ITPRID2: variants seen among roughly 807,000 people sequenced by gnomAD.
The protein encoded by ITPRID2 is protein ITPRID2.
ITPRID2 carries 60 observed loss-of-function variants against 124.3 expected under a neutral mutation model. The observed-to-expected ratio is 0.48, with a 90% CI of 0.39 to 0.60. The LOEUF (loss-of-function observed/expected upper bound fraction) is 0.60. Ranked by LOEUF, ITPRID2 falls within the 20% of genes least tolerant of loss-of-function variation. ITPRID2 has a pLI of 0.00. For synonymous variants in ITPRID2, 521 were observed against 542.9 expected (o/e 0.96, Z 0.56); for missense variants, 1,553 against 1,512.2 (o/e 1.03, Z -0.45).
Position 181,909,922 on chromosome 2 carries a change from T to C in ITPRID2, c.1437T>C (p.Ala479=), listed in dbSNP as rs986947252. The change falls in exon 9 of 18, where the codon GCT becomes GCC. Residue 479 remains alanine, a synonymous_variant. Coordinates refer to ENST00000431877, the MANE Select transcript of ITPRID2 (RefSeq NM_001130445.3). ...MEEVQSTEGE[A]PHVPATYQLG... Reference sequence around the variant, plus strand: ...AGGTTCAAAGTACGGAGGGAGAAGCTCCTCATGTTCCAGCCACTTACCAGC... The same window carrying C: ...AGGTTCAAAGTACGGAGGGAGAAGCCCCTCATGTTCCAGCCACTTACCAGC... The C allele has an allele frequency of 6.2e-7, 1 of 1,613,348 alleles. No individual in the cohort carries two copies. Among genetic ancestry groups the C allele is most frequent in the Non-Finnish European group, 8.5e-7 (1 of 1,179,436 alleles).
intron 8 of ITPRID2, among the ~76,000 whole-genome samples, chr2:181,909,114 A>G (rs1693395392): frequency 6.6e-6 from 1 of 152,204 alleles, no homozygotes; most frequent in Non-Finnish European, 1.5e-5. Context: ...AAAAATAAAC[A>G]CAAAAAGACA....
rs777487426 is a variant in ITPRID2, at chr2:181,902,504, G to A, written c.1413+38G>A. ...TTACTGAGACTGGTTTCAAGTTGCA[G>A]ACTAGGAAAAAAAGTACCAAAAATG... is the stretch of plus-strand genomic sequence containing the variant. On this transcript the variant is annotated intron_variant, in intron 8 of 17. Coordinates refer to ENST00000431877, the MANE Select transcript of ITPRID2 (RefSeq NM_001130445.3). This position sits in a 1 kb window ranked among gnomAD's most constrained non-coding sequence, Gnocchi z 4.4. 1.4e-6 allele frequency: 2 copies of A among 1,421,684 alleles called. No individual in the cohort carries two copies. The highest frequency in any genetic ancestry group is 1.9e-6 in the Non-Finnish European group (2 of 1,064,898). 88.1% of individuals were successfully genotyped at this position (1,421,684 alleles called of 1,614,324 possible).
rs1359795334 is a variant in ITPRID2, at chr2:181,922,101, C to G, written c.3364C>G (p.His1122Asp). 1.2e-6 allele frequency: 2 copies of G among 1,614,222 alleles called. No individual in the cohort carries two copies. The highest frequency in any genetic ancestry group is 3.3e-5 in the Admixed American group (2 of 60,022). The change falls in exon 16 of 18, where the codon CAT (histidine) becomes GAT (aspartate). Residue 1122 changes from histidine (H) to aspartate (D), a missense_variant. His to Asp is a moderately conservative substitution (Grantham distance 81, BLOSUM62 -1). Transcript: ENST00000431877. The stretch of plus-strand genomic sequence containing the variant: ...ATCTTCTGTATGTTCTGGTCCCTCT[C>G]ATGCTAACAGAAGAACTGGAGTACC... ...ESSSVCSGPSHANRRTGVPST... is the reference protein window; with the variant it reads ...ESSSVCSGPSDANRRTGVPST...
chr2:181,924,480 C>G (rs1247817381), intron 16 of ITPRID2, among the ~76,000 whole-genome samples: 1 of 152,182 alleles, frequency 6.6e-6, no homozygotes, highest in Non-Finnish European at 1.5e-5. Context: ...CCTAGCAGAT[C>G]TGAGCCCCTA....
Position 181,905,602 on chromosome 2 carries a change from A to G in ITPRID2, c.1413+3136A>G, listed in dbSNP as rs1693049845. On this transcript the variant is annotated intron_variant, in intron 8 of 17. Transcript: ENST00000431877. The surrounding 1 kb of genome is among the most constrained non-coding windows in gnomAD (Gnocchi z 4.1). ...GAACTTTTATCTCAGCATTTCTGTA[A>G]GAAGTTGACTGTGTGGTCTTCTTGA... Among the ~76,000 whole-genome samples the G allele has an allele frequency of 1.3e-5, 2 of 152,332 alleles. No individual in the cohort carries two copies. The highest frequency in any genetic ancestry group is 1.3e-4 in the Admixed American group (2 of 15,300).
intron 6 of ITPRID2, among the ~76,000 whole-genome samples, chr2:181,900,461 G>GCTAA (rs1303988092): frequency 2.0e-5 from 3 of 152,128 alleles, no homozygotes; most frequent in Admixed American, 1.3e-4. Flanking sequence ...GTTCGTTGGG[G>GCTAA]TTAGCTCTTT....
At chr2:181,913,149 C>T (rs941852653) in intron 9 of ITPRID2, among the ~76,000 whole-genome samples, 1 of 152,016 alleles carries the variant, frequency 6.6e-6, no homozygotes, top group Non-Finnish European at 1.5e-5. Context: ...CTCACTGCAA[C>T]CTCCACCTCC....
Position 181,908,364 on chromosome 2 carries a change from A to G in ITPRID2, c.1414-1535A>G, listed in dbSNP as rs547450739. On this transcript the variant is annotated intron_variant, in intron 8 of 17. Transcript: ENST00000431877. ...AATGCAGAGGCATTGGAATTCTGCT[A>G]TAATTTTTTGATCTGGTTGATATTT... Among the ~76,000 whole-genome samples the G allele has an allele frequency of 8.5e-5, 13 of 152,354 alleles. No individual in the cohort carries two copies. In the East Asian group the frequency reaches 2.1e-3, roughly 25 times the overall value.
rs756191708 is a variant in ITPRID2, at chr2:181,902,128, G to C, written c.1075G>C (p.Val359Leu). The C allele has an allele frequency of 1.2e-6, 2 of 1,613,392 alleles. No homozygotes were observed. Among genetic ancestry groups the C allele is most frequent in the Non-Finnish European group, 1.7e-6 (2 of 1,179,686 alleles). ...KKESSSMLAT[V>L]KEEVSGSSAA... ...AGAGTCATCTTCTATGTTGGCTACA[G>C]TTAAAGAAGAAGTCTCTGGTAGTTC... The change falls in exon 8 of 18, where the codon GTT (valine) becomes CTT (leucine). Residue 359 changes from valine to leucine, a missense_variant. Physicochemically the swap from Val to Leu is conservative, Grantham distance 32 (BLOSUM62 1). Coordinates refer to ENST00000431877, the MANE Select transcript of ITPRID2 (RefSeq NM_001130445.3). The surrounding 1 kb of genome is among the most constrained non-coding windows in gnomAD (Gnocchi z 4.4).
chr2:181,902,402 C>T lies in ITPRID2; in HGVS notation c.1349C>T (p.Pro450Leu), dbSNP rs377175701. 3.1e-6 allele frequency: 5 copies of T among 1,612,372 alleles called. No individual in the cohort carries two copies. The highest frequency in any genetic ancestry group is 3.4e-6 in the Non-Finnish European group (4 of 1,179,534). ...ACACCTGAAAAAGAGCCTTGTGCAC[C>T]ACTGACAATACCATCCATAAGAAAT... ...ISTPEKEPCA[P>L]LTIPSIRNIM... is the part of the protein sequence containing the mutation. Residue 450 changes from proline (P) to leucine (L), a missense_variant, in exon 8 of 18, where the codon CCA becomes CTA. Transcript: ENST00000431877. This position sits in a 1 kb window ranked among gnomAD's most constrained non-coding sequence, Gnocchi z 4.4.
At chr2:181,900,608 C>A in intron 6 of ITPRID2, 88 bp from the exon 7 acceptor site, 1 of 894,022 alleles carries the variant, frequency 1.1e-6, no homozygotes, top group Non-Finnish European at 1.7e-6. Context: ...CACAGGAAAT[C>A]AGTAATATGT....
At chr2:181,909,737 C>A (rs1466385745) in intron 8 of ITPRID2, among the ~76,000 whole-genome samples, 162 bp from the exon 9 acceptor site, 1 of 152,066 alleles carries the variant, frequency 6.6e-6, no homozygotes, top group South Asian at 2.1e-4. Flanking sequence ...AGTTGTGGAG[C>A]ATTCTAATAA....
chr2:181,911,245 AGATT>A (rs1415737391), intron 9 of ITPRID2, among the ~76,000 whole-genome samples: 13 of 152,214 alleles, frequency 8.5e-5, no homozygotes, highest in African/African-American at 3.1e-4. Flanking sequence ...TAAGTATCTT[AGATT>A]GATCATAACT....
Position 181,916,098 on chromosome 2 carries a change from G to T in ITPRID2, c.2458G>T (p.Val820Leu), listed in dbSNP as rs746782226. The change falls in exon 11 of 18, where the codon GTG (valine) becomes TTG (leucine). Residue 820 changes from valine to leucine, a missense_variant. Coordinates refer to ENST00000431877, the MANE Select transcript of ITPRID2 (RefSeq NM_001130445.3). ...AGCCCCCCAGAGTGAGGCGCCGCGG[G>T]TGGAGGAATGCCATCATGGAAGGAC... is the stretch of plus-strand genomic sequence containing the variant. ...EEAPQSEAPR[V>L]EECHHGRTPT... The T allele has an allele frequency of 5.0e-6, 8 of 1,614,192 alleles. No homozygotes were observed. The highest frequency in any genetic ancestry group is 1.7e-5 in the Admixed American group (1 of 60,030).
At chr2:181,925,868 C>A (rs1486167043) in intron 16 of ITPRID2, among the ~76,000 whole-genome samples, 3 of 152,194 alleles carry the variant, frequency 2.0e-5, no homozygotes, top group Admixed American at 6.5e-5. Flanking sequence ...TTGTGACATA[C>A]CATGTAAAAG....
At chr2:181,915,148 G>A in intron 10 of ITPRID2, 68 bp from the exon 11 acceptor site, 1 of 1,518,702 alleles carries the variant, frequency 6.6e-7, no homozygotes, top group South Asian at 1.3e-5. Flanking sequence ...CACCATGTTG[G>A]TTTGGTATTT....
chr2:181,892,410 C>A lies in ITPRID2; in HGVS notation c.211+133C>A. 3 of 1,209,346 alleles carry A rather than the reference C, an allele frequency of 2.5e-6. No homozygotes were observed. The highest frequency in any genetic ancestry group is 1.5e-5 in the South Asian group (1 of 67,576). The allele number at this position is 1,209,346 out of a possible 1,614,324, so 74.9% of individuals were successfully genotyped here. A position where few individuals can be genotyped will look rare whatever the true frequency, so the allele number is the denominator to read the frequency against. ...CGAGGGGAGAGGGGACACTTCCGAC[C>A]TTCAAACGCGCGCGCTGAACGAGGC... On this transcript the variant is annotated intron_variant, in intron 1 of 17. Transcript: ENST00000431877. The surrounding 1 kb of genome is among the most constrained non-coding windows in gnomAD (Gnocchi z 5.2).
rs925551088 is a variant in ITPRID2, at chr2:181,906,450, A to C, written c.1414-3449A>C. ...TAATTTTAATTTTGCTGTTAATTTT[A>C]ATTTTGAGGCTGAGCATGGTGATTC... is the stretch of plus-strand genomic sequence containing the variant. On this transcript the variant is annotated intron_variant, in intron 8 of 17. Coordinates refer to ENST00000431877, the MANE Select transcript of ITPRID2 (RefSeq NM_001130445.3). Among the ~76,000 whole-genome samples, 3 of 152,098 alleles carry C rather than the reference A, an allele frequency of 2.0e-5. No homozygotes were observed. In the East Asian group the frequency reaches 5.8e-4, roughly 29 times the overall value.
intron 7 of ITPRID2, among the ~76,000 whole-genome samples, chr2:181,901,158 T>C (rs1209574502): frequency 6.6e-6 from 1 of 152,200 alleles, no homozygotes; most frequent in Non-Finnish European, 1.5e-5. Context: ...AACCTTATTG[T>C]TGTCTACAGA....
Sources: gnomAD v4.1 joint callset for allele counts (sites outside exome capture counted in the v4.1 genomes callset) on GRCh38, gnomAD v4.1.1 for gene constraint, Gnocchi (gnomAD v3.1) non-coding constraint, MANE v1.5 for transcripts, NCBI Gene and HGNC (gene_info 2026-07-23, HGNC 2026-07-21) for gene names.